Variants in MYO3B observed in about 807,000 individuals in gnomAD.
MYO3B encodes myosin-IIIb.
Under a neutral mutation model 174.6 loss-of-function variants are expected in MYO3B, and 156 were observed. The observed-to-expected ratio is 0.89, with a 90% CI of 0.78 to 1.02. The LOEUF (loss-of-function observed/expected upper bound fraction) is 1.02. Ranked by LOEUF, MYO3B falls within the 50% of genes least tolerant of loss-of-function variation. The pLI is 0.00. For missense variants in MYO3B, 1,632 were observed against 1,639.4 expected, an observed-to-expected ratio of 1.00 and a Z score of 0.08; for synonymous variants, 563 against 569.1, an observed-to-expected ratio of 0.99 and a Z score of 0.15.
chr2:170,536,787 C>T (rs963243928), intron 30 of MYO3B, among the ~76,000 whole-genome samples: 6 of 152,152 alleles, frequency 3.9e-5, no homozygotes, highest in Non-Finnish European at 7.3e-5. Context: ...GAAACCGTTT[C>T]TGAAGATGTG....
intron 32 of MYO3B, among the ~76,000 whole-genome samples, chr2:170,594,664 T>A (rs1330761042): frequency 6.6e-6 from 1 of 152,120 alleles, no homozygotes; most frequent in African/African-American, 2.4e-5. Context: ...CAGTAGCAGA[T>A]GTGTTGAGGT....
intron 7 of MYO3B, among the ~76,000 whole-genome samples, chr2:170,270,952 A>G (rs2093421361): frequency 6.6e-6 from 1 of 152,240 alleles, no homozygotes; most frequent in South Asian, 2.1e-4. Context: ...TTCCACATCC[A>G]TGGAGTTGGG....
chr2:170,626,189 A>C (rs1413689039), intron 32 of MYO3B, among the ~76,000 whole-genome samples: 1 of 151,584 alleles, frequency 6.6e-6, no homozygotes, highest in Non-Finnish European at 1.5e-5. Flanking sequence ...GTGGGAGTCT[A>C]AGTCTCTTTG....
At chr2:170,259,587 A>G (rs147687116) in intron 7 of MYO3B, among the ~76,000 whole-genome samples, 1 of 152,182 alleles carries the variant, frequency 6.6e-6, no homozygotes, top group Non-Finnish European at 1.5e-5. Flanking sequence ...AGGACCTAAA[A>G]CTATAAAAAT....
rs571326465 is a variant in MYO3B at position 170,487,669 on chromosome 2, G to A, written c.3015-10923G>A. ...TTTCACATTGACTTAGGGCTGTGCA[G>A]ATCTCCAAGCCGGGTGCAGATGTTT... On this transcript the variant is annotated intron_variant, in intron 25 of 34. Coordinates refer to ENST00000408978, the MANE Select transcript of MYO3B (RefSeq NM_138995.5). Among the ~76,000 whole-genome samples the A allele has an allele frequency of 7.8e-4, 119 of 152,322 alleles. 2 individuals are homozygous for A. The South Asian group carries it at 0.023, about 30-fold the overall frequency.
At chr2:170,242,422 C>T (rs183737083) in intron 7 of MYO3B, among the ~76,000 whole-genome samples, 59 of 152,276 alleles carry the variant, frequency 3.9e-4, no homozygotes, top group Middle Eastern at 3.4e-3. Context: ...ACTCCCTTTC[C>T]GTGGGAACCC....
chr2:170,466,844 T>G, intron 25 of MYO3B, 133 bp downstream of exon 25: 1 of 907,260 alleles, frequency 1.1e-6, no homozygotes, highest in Non-Finnish European at 1.6e-6. Context: ...TACCATTTAC[T>G]TGCTTGAATG....
At chr2:170,369,169 G>A in intron 8 of MYO3B, 53 bp from the exon 9 acceptor site, 1 of 1,557,746 alleles carries the variant, frequency 6.4e-7, no homozygotes, top group Non-Finnish European at 8.8e-7. Context: ...ATTCATAGGG[G>A]AACAGGGTGT....
intron 25 of MYO3B, among the ~76,000 whole-genome samples, chr2:170,491,434 C>T (rs7575843): frequency 0.092 from 13,467 of 145,956 alleles, 1,592 homozygotes; most frequent in African/African-American, 0.28. Context: ...AATTAATTAA[C>T]TTTTTTTTTA....
At chr2:170,298,089 A>G (rs1362240171) in intron 7 of MYO3B, among the ~76,000 whole-genome samples, 3 of 152,218 alleles carry the variant, frequency 2.0e-5, no homozygotes, top group African/African-American at 7.2e-5. Context: ...TAAATATTCC[A>G]GGGCCTGTTC....
At chr2:170,479,450 A>T (rs1041577229) in intron 25 of MYO3B, among the ~76,000 whole-genome samples, 3 of 146,046 alleles carry the variant, frequency 2.1e-5, no homozygotes, top group African/African-American at 7.4e-5. Context: ...TAAAATATAG[A>T]TTTTATATAT....
At chr2:170,624,516 G>T (rs1458760976) in intron 32 of MYO3B, among the ~76,000 whole-genome samples, 3 of 152,200 alleles carry the variant, frequency 2.0e-5, no homozygotes, top group Non-Finnish European at 2.9e-5. Context: ...TGCAAACAGG[G>T]ACGATTTGAC....
At chr2:170,372,597 A>T (rs1360087919) in intron 9 of MYO3B, among the ~76,000 whole-genome samples, 1 of 152,216 alleles carries the variant, frequency 6.6e-6, no homozygotes, top group African/African-American at 2.4e-5. Context: ...AATCAGATGC[A>T]GTTCCTGATA....
At chr2:170,566,124 A>C (rs995398582) in intron 32 of MYO3B, among the ~76,000 whole-genome samples, 6 of 152,220 alleles carry the variant, frequency 3.9e-5, no homozygotes, top group Admixed American at 3.9e-4. Flanking sequence ...TTAAAGATGA[A>C]AACATGCTGA....
intron 32 of MYO3B, among the ~76,000 whole-genome samples, chr2:170,561,941 A>T (rs1450198905): frequency 3.3e-5 from 5 of 152,164 alleles, no homozygotes; most frequent in Admixed American, 3.3e-4. Flanking sequence ...ACAACAACAA[A>T]AAGTTGATTC....
At chr2:170,512,997 G>A (rs533568457) in intron 28 of MYO3B, among the ~76,000 whole-genome samples, 3 of 152,268 alleles carry the variant, frequency 2.0e-5, no homozygotes, top group South Asian at 2.1e-4. Context: ...GCAAAGGGCT[G>A]AGAACAATGC....
rs574106875 is a variant in MYO3B at position 170,402,926 on chromosome 2, G to A, written c.2208G>A (p.Gln736=). 8.4e-5 allele frequency: 135 copies of A among 1,611,492 alleles called. 1 individual carries two copies. In the South Asian group the frequency reaches 1.4e-3, roughly 17 times the overall value. ...FENFQRNSFE[Q]LCINIANEQI... is the part of the protein sequence containing the mutation. The stretch of plus-strand genomic sequence containing the variant: ...ATTTTCAGAGAAATTCATTTGAGCA[G>A]CTCTGCATAAACATCGCCAATGAGC... Residue 736 remains glutamine (Q), a synonymous_variant, in exon 19 of 35, where the codon CAG becomes CAA. Coordinates refer to ENST00000408978, the MANE Select transcript of MYO3B (RefSeq NM_138995.5).
intron 25 of MYO3B, among the ~76,000 whole-genome samples, chr2:170,485,414 C>CAG (rs1685977833): frequency 7.1e-6 from 1 of 140,106 alleles, no homozygotes; most frequent in Admixed American, 7.6e-5. Context: ...CACACACACA[C>CAG]ACACACAGAG....
Position 170,200,662 on chromosome 2 carries a change from C to T in MYO3B, c.321+378C>T, listed in dbSNP as rs560068073. Among the ~76,000 whole-genome samples, 3 of 152,304 alleles carry T rather than the reference C, an allele frequency of 2.0e-5. 1 individual carries two copies. The highest frequency in any genetic ancestry group is 7.2e-5 in the African/African-American group (3 of 41,572). On this transcript the variant is annotated intron_variant, in intron 3 of 34. Coordinates refer to ENST00000408978, the MANE Select transcript of MYO3B (RefSeq NM_138995.5). ...CTTGCCAAGTTTGGATTTGCCCACT[C>T]ATGTTCATTAGTCCTCATTTTAGAT...
Sources: allele counts gnomAD v4.1 joint callset (sites outside exome capture counted in the v4.1 genomes callset), GRCh38; gene constraint gnomAD v4.1.1; transcripts MANE v1.5; gene names NCBI Gene and HGNC (gene_info 2026-07-23, HGNC 2026-07-21).